MDH1B: variants seen among roughly 807,000 people sequenced by gnomAD.
MDH1B encodes malate dehydrogenase 1B, also known as putative malate dehydrogenase 1B.
Under a neutral mutation model 61.4 loss-of-function variants are expected in MDH1B, and 60 were observed. The observed-to-expected ratio is 0.98, with a 90% CI of 0.79 to 1.21. The LOEUF is 1.21. Among genes scored for constraint, MDH1B ranks in the 50% most tolerant of loss-of-function variants. The pLI is 0.00. For missense variants in MDH1B, 587 were observed against 632.1 expected (o/e 0.93, Z 0.76); for synonymous variants, 236 against 218.7 (o/e 1.08, Z -0.70).
At chr2:206,741,663 G>A (rs1449667999) in intron 9 of MDH1B, among the ~76,000 whole-genome samples, 3 of 152,142 alleles carry the variant, frequency 2.0e-5, no homozygotes, top group Non-Finnish European at 4.4e-5. Context: ...GTGGGACCCT[G>A]TGATTGTGTA....
intron 10 of MDH1B, among the ~76,000 whole-genome samples, chr2:206,740,159 G>A (rs1574617230): frequency 1.3e-5 from 2 of 151,938 alleles, no homozygotes; most frequent in African/African-American, 4.8e-5. Flanking sequence ...TGGAGGTTAC[G>A]GACACCATTC....
At chr2:206,763,945 T>C (rs924694562) in intron 1 of MDH1B, among the ~76,000 whole-genome samples, 3 of 152,148 alleles carry the variant, frequency 2.0e-5, no homozygotes, top group African/African-American at 4.8e-5. Context: ...GTGTCATACA[T>C]GCAACATTCT....
At chr2:206,752,789 CTCCT>C (rs1688526637) in intron 5 of MDH1B, among the ~76,000 whole-genome samples, 1 of 88,732 alleles carries the variant, frequency 1.1e-5, no homozygotes, top group East Asian at 5.2e-4. Flanking sequence ...ATTTCCCCTC[CTCCT>C]TTTTTTTTTT....
intron 2 of MDH1B, 98 bp downstream of exon 2, chr2:206,760,803 C>T: frequency 3.0e-6 from 2 of 664,536 alleles, no homozygotes; most frequent in Non-Finnish European, 5.4e-6. Flanking sequence ...CATGAACAGT[C>T]ATTCCTAGAA....
chr2:206,756,706 T>C (rs1688779210), intron 4 of MDH1B, 192 bp downstream of exon 4: 2 of 585,564 alleles, frequency 3.4e-6, no homozygotes, highest in African/African-American at 1.9e-5. Context: ...AACTCATTTA[T>C]GAGTTATATG....
At chr2:206,741,130 G>A (rs1574618773) in intron 9 of MDH1B, 26 bp from the exon 10 acceptor site, 1 of 1,611,786 alleles carries the variant, frequency 6.2e-7, no homozygotes, top group Non-Finnish European at 8.5e-7. Context: ...AATAAAACAT[G>A]CTGGATTTAG....
In MDH1B at chr2:206,757,236, C is replaced by A. The variant is rs149410093; in HGVS notation, c.270+1G>T. On this transcript the variant is annotated splice_donor_variant, in intron 3 of 11. Coordinates refer to ENST00000374412, the MANE Select transcript of MDH1B (RefSeq NM_001039845.3). LOFTEE classifies it high-confidence loss of function. ...TAGAACAGATAAGTTAACTTATATA[C>A]CTGAGCATGCTCCAGGAACTCATTA... 8.1e-6 allele frequency: 13 copies of A among 1,611,978 alleles called. No individual in the cohort carries two copies. The highest frequency in any genetic ancestry group is 2.7e-5 in the African/African-American group (2 of 74,822).
At chr2:206,738,619 A>G (rs1348811493) in intron 11 of MDH1B, 108 bp from the exon 12 acceptor site, 3 of 709,492 alleles carry the variant, frequency 4.2e-6, no homozygotes, top group Non-Finnish European at 7.1e-6. Context: ...ATGATTCAAT[A>G]GCTGAGAAAG....
intron 9 of MDH1B, chr2:206,741,439 G>A: frequency 3.0e-6 from 1 of 335,576 alleles, no homozygotes; most frequent in South Asian, 2.6e-5. Flanking sequence ...GGGGAAGACA[G>A]ACCCACCCTT....
At chr2:206,742,970 C>G (rs560676562) in intron 9 of MDH1B, among the ~76,000 whole-genome samples, 77 of 152,246 alleles carry the variant, frequency 5.1e-4, no homozygotes, top group African/African-American at 1.7e-3. Flanking sequence ...CCACCTCGGC[C>G]TCCCAAAGTG....
At chr2:206,761,782 G>C (rs1160121772) in intron 1 of MDH1B, among the ~76,000 whole-genome samples, 1 of 152,088 alleles carries the variant, frequency 6.6e-6, no homozygotes, top group East Asian at 1.9e-4. Context: ...GAAAAATGCA[G>C]AGCCCTCTCT....
At chr2:206,750,094 G>T (rs917884861) in intron 6 of MDH1B, among the ~76,000 whole-genome samples, 3 of 152,020 alleles carry the variant, frequency 2.0e-5, no homozygotes, top group African/African-American at 7.2e-5. Context: ...CCTAGGCAGG[G>T]GCGAAGCTCC....
intron 4 of MDH1B, 95 bp from the exon 5 acceptor site, chr2:206,755,600 G>T: frequency 1.4e-6 from 2 of 1,438,900 alleles, no homozygotes; most frequent in East Asian, 4.6e-5. Flanking sequence ...TGCATCAATA[G>T]GGTGGTTTAA....
chr2:206,755,310 C>T lies in MDH1B; in HGVS notation c.609G>A (p.Glu203=). ...RSVSICTKVE[E]AFRQAHVIVV... ...CAATGACGTGGGCCTGGCGGAAGGCCTCCTCCACCTTCGTGCAGATGGAGA... is the reference window on the plus strand; with the variant it reads ...CAATGACGTGGGCCTGGCGGAAGGCTTCCTCCACCTTCGTGCAGATGGAGA... Residue 203 remains glutamate (E), a synonymous_variant, in exon 5 of 12, where the codon GAG becomes GAA. Transcript: ENST00000374412. 6.2e-7 allele frequency: 1 copy of T among 1,614,218 alleles called. No homozygotes were observed. Among genetic ancestry groups the T allele is most frequent in the Non-Finnish European group, 8.5e-7 (1 of 1,180,036 alleles).
In MDH1B at chr2:206,746,242, A is replaced by G. The variant is rs752371656; in HGVS notation, c.1356+45T>C. 6 of 1,565,548 alleles carry G rather than the reference A, an allele frequency of 3.8e-6. No homozygotes were observed. The South Asian group carries it at 4.8e-5, about 13-fold the overall frequency. On this transcript the variant is annotated intron_variant, in intron 8 of 11. Transcript: ENST00000374412. ...GCCTTGGCCTAGGAGAATCAGTTTA[A>G]GGTCATTATCAAGGTCAGTCCCCTT...
intron 11 of MDH1B, among the ~76,000 whole-genome samples, chr2:206,738,903 G>T (rs1390446093): frequency 6.6e-6 from 1 of 152,146 alleles, no homozygotes; most frequent in East Asian, 1.9e-4. Context: ...AGAATGAAAG[G>T]TGCATGAAAT....
intron 9 of MDH1B, among the ~76,000 whole-genome samples, chr2:206,743,738 C>A (rs76715120): frequency 0.035 from 5,378 of 152,082 alleles, 111 homozygotes; most frequent in Non-Finnish European, 0.055. Flanking sequence ...ACACACACAC[C>A]CCTCCCACAT....
At position 206,737,783 on chromosome 2, in the gene MDH1B, T is replaced by C. The variant is rs1044674026; in HGVS notation, c.*700A>G. ...TAGGCTTTTCTTTCAAAATTCATTT[T>C]ATTCAGGCCATATCTCTTGTCAAGG... On this transcript the variant is annotated 3_prime_UTR_variant, in exon 12 of 12. Coordinates refer to ENST00000374412, the MANE Select transcript of MDH1B (RefSeq NM_001039845.3). 1.3e-5 allele frequency: 2 copies of C among 152,250 alleles called. No homozygotes were observed. Among genetic ancestry groups the C allele is most frequent in the African/African-American group, 4.8e-5 (2 of 41,462 alleles). 9.4% of individuals were successfully genotyped at this position (152,250 alleles called of 1,614,324 possible). A position where few individuals can be genotyped will look rare whatever the true frequency, so the allele number is the denominator to read the frequency against.
At chr2:206,763,791 A>T (rs1421263715) in intron 1 of MDH1B, among the ~76,000 whole-genome samples, 1 of 152,028 alleles carries the variant, frequency 6.6e-6, no homozygotes, top group Non-Finnish European at 1.5e-5. Context: ...CCATGCCTAA[A>T]TTGCTCCCCT....
Sources: allele counts gnomAD v4.1 joint callset (sites outside exome capture counted in the v4.1 genomes callset), GRCh38; gene constraint gnomAD v4.1.1; transcripts MANE v1.5; gene names NCBI Gene and HGNC (gene_info 2026-07-23, HGNC 2026-07-21).